The following NCAM2 variants were observed in gnomAD, a reference collection of about 807,000 sequenced individuals.
NCAM2 encodes the protein N-CAM-2.
In NCAM2, 30 loss-of-function variants were observed where a neutral mutation model predicts 98.1. The observed-to-expected ratio is 0.31, with a 90% CI of 0.23 to 0.41. The LOEUF is 0.41. NCAM2 is among the 10% of genes least tolerant of loss of function. The probability of loss-of-function intolerance (pLI) is 1.00; values close to 1 mark genes in which losing one functional copy is unlikely to be tolerated. For synonymous variants in NCAM2, 368 were observed against 342.4 expected (o/e 1.07, Z -0.83); for missense variants, 867 against 1,005.8 (o/e 0.86, Z 1.87).
intron 16 of NCAM2, among the ~76,000 whole-genome samples, chr21:21,533,664 T>C (rs1236270051): frequency 4.5e-5 from 6 of 133,882 alleles, no homozygotes; most frequent in African/African-American, 1.4e-4. Flanking sequence ...TTTTTTTTTT[T>C]CTGTACCTAT....
In NCAM2 at chr21:21,123,848, CT is replaced by C. The variant is rs71193401; in HGVS notation, c.55+125247del. On this transcript the variant is annotated intron_variant, in intron 1 of 17. Coordinates refer to ENST00000400546, the MANE Select transcript of NCAM2 (RefSeq NM_004540.5). The stretch of plus-strand genomic sequence containing the variant: ...GCACATTTGAATTCATTCTTGATTG[CT>C]TTTTTTTTTTTTTTTTGAGACGGAG... Among the ~76,000 whole-genome samples the C allele has an allele frequency of 2.0e-3, 171 of 86,660 alleles. 2 individuals carry two copies. The highest frequency in any genetic ancestry group is 7.5e-3 in the African/African-American group (164 of 21,882). The allele number at this position is 86,660 out of a possible 152,430, so 56.9% of individuals were successfully genotyped here. A position where few individuals can be genotyped will look rare whatever the true frequency, so the allele number is the denominator to read the frequency against.
intron 1 of NCAM2, among the ~76,000 whole-genome samples, chr21:21,228,808 T>C (rs1414184461): frequency 6.6e-6 from 1 of 151,488 alleles, no homozygotes; most frequent in African/African-American, 2.4e-5. Flanking sequence ...GCTGCAACTT[T>C]TAACACTTTG....
chr21:21,228,048 C>T (rs1184756546), intron 1 of NCAM2, among the ~76,000 whole-genome samples: 1 of 151,600 alleles, frequency 6.6e-6, no homozygotes, highest in African/African-American at 2.4e-5. Context: ...ACATACAACC[C>T]ATGCCACTGA....
intron 1 of NCAM2, among the ~76,000 whole-genome samples, chr21:21,095,386 G>T (rs1456542436): frequency 6.6e-6 from 1 of 151,470 alleles, no homozygotes; most frequent in Non-Finnish European, 1.5e-5. Flanking sequence ...ATGTAATATT[G>T]TAAAAGTGAT....
chr21:21,338,396 T>C lies in NCAM2; in HGVS notation c.906T>C (p.Pro302=). The change falls in exon 8 of 18, where the codon CCT becomes CCC. Residue 302 remains proline, a synonymous_variant. Transcript: ENST00000400546. ...TATATATATTCTTTACAGTACAGCC[T>C]CACATAATACAGCTTAAAAATGAAA... ...KQAFLQVFVQ[P]HIIQLKNETT... 1 of 1,610,914 alleles carries C rather than the reference T, an allele frequency of 6.2e-7. No individual in the cohort carries two copies. The highest frequency in any genetic ancestry group is 2.2e-5 in the East Asian group (1 of 44,790).
At chr21:21,181,107 G>C (rs571312444) in intron 1 of NCAM2, among the ~76,000 whole-genome samples, 2 of 152,208 alleles carry the variant, frequency 1.3e-5, no homozygotes, top group South Asian at 4.1e-4. Flanking sequence ...AAAAGGGCTT[G>C]CTTCGATTAC....
chr21:21,528,743 T>C (rs1278161984), intron 16 of NCAM2, among the ~76,000 whole-genome samples: 1 of 152,178 alleles, frequency 6.6e-6, no homozygotes, highest in Non-Finnish European at 1.5e-5. Context: ...TGGAAATATT[T>C]ATCATTACTC....
chr21:21,302,575 A>G (rs1287839649), intron 5 of NCAM2, among the ~76,000 whole-genome samples: 1 of 152,172 alleles, frequency 6.6e-6, no homozygotes, highest in Admixed American at 6.6e-5. Flanking sequence ...ACCACTCAGA[A>G]GGCTATTATT....
intron 1 of NCAM2, among the ~76,000 whole-genome samples, chr21:21,274,180 AAAT>A (rs1460043454): frequency 3.9e-5 from 6 of 151,954 alleles, no homozygotes; most frequent in African/African-American, 1.4e-4. Flanking sequence ...AAAAAAAAAA[AAAT>A]TTTAATCACT....
chr21:21,433,391 A>C (rs1333637625), intron 12 of NCAM2, among the ~76,000 whole-genome samples: 1 of 152,060 alleles, frequency 6.6e-6, no homozygotes, highest in Non-Finnish European at 1.5e-5. Flanking sequence ...AAAATTATTA[A>C]CCTGGATGCA....
intron 1 of NCAM2, among the ~76,000 whole-genome samples, chr21:21,176,424 C>T (rs2068292108): frequency 6.6e-6 from 1 of 152,046 alleles, no homozygotes; most frequent in Non-Finnish European, 1.5e-5. Context: ...AACTGCATTT[C>T]CTTATTAACC....
intron 15 of NCAM2, among the ~76,000 whole-genome samples, chr21:21,500,556 A>T (rs559428384): frequency 5.9e-5 from 9 of 152,120 alleles, no homozygotes; most frequent in Non-Finnish European, 8.8e-5. Context: ...TTCTACCTGT[A>T]ATTACAACAC....
At chr21:21,362,681 A>G (rs756475341) in intron 8 of NCAM2, among the ~76,000 whole-genome samples, 1 of 152,188 alleles carries the variant, frequency 6.6e-6, no homozygotes, top group Non-Finnish European at 1.5e-5. Flanking sequence ...TGCAAGTCTT[A>G]AATTCAGTAA....
In NCAM2 at chr21:21,509,047, T is replaced by G. The variant is rs267606086; in HGVS notation, c.2274T>G (p.Ala758=). 5 of 1,613,362 alleles carry G rather than the reference T, an allele frequency of 3.1e-6. No individual in the cohort carries two copies. In the African/African-American group the frequency reaches 6.7e-5, roughly 22 times the overall value. Residue 758 remains alanine, a synonymous_variant, in exon 16 of 18, where the codon GCT becomes GCG. Transcript: ENST00000400546. ...GTAAAGAACTCGAAGAAGGAAAAGC[T>G]GCATACCTGTGAGTATCAGGCATCT... ...GKSKELEEGK[A]AYLKDGSKEP...
intron 1 of NCAM2, among the ~76,000 whole-genome samples, chr21:21,181,596 C>A (rs909836213): frequency 6.6e-6 from 1 of 152,160 alleles, no homozygotes; most frequent in Non-Finnish European, 1.5e-5. Context: ...GACAGCTGCT[C>A]ATCAATTAGA....
intron 9 of NCAM2, among the ~76,000 whole-genome samples, chr21:21,388,997 A>T (rs1329376019): frequency 6.6e-6 from 1 of 152,218 alleles, no homozygotes; most frequent in African/African-American, 2.4e-5. Context: ...ATGCAAGCAA[A>T]AGTGTGTAAT....
chr21:21,398,829 AT>A (rs1569019906), intron 9 of NCAM2, among the ~76,000 whole-genome samples: 1 of 152,204 alleles, frequency 6.6e-6, no homozygotes, highest in Non-Finnish European at 1.5e-5. Context: ...AGCTTTTAAA[AT>A]TGACACCCTA....
intron 1 of NCAM2, among the ~76,000 whole-genome samples, chr21:21,045,783 A>T (rs1171956285): frequency 1.3e-5 from 2 of 152,204 alleles, no homozygotes; most frequent in African/African-American, 2.4e-5. Context: ...AGCTTCCTTA[A>T]ATTCAACGTC....
At chr21:21,403,998 G>C (rs1162143445) in intron 9 of NCAM2, among the ~76,000 whole-genome samples, 1 of 151,552 alleles carries the variant, frequency 6.6e-6, no homozygotes, top group African/African-American at 2.4e-5. Context: ...TCATAATACT[G>C]TTAAAATTTA....
Sources: allele counts gnomAD v4.1 joint callset (sites outside exome capture counted in the v4.1 genomes callset), GRCh38; gene constraint gnomAD v4.1.1; transcripts MANE v1.5; gene names NCBI Gene and HGNC (gene_info 2026-07-23, HGNC 2026-07-21).